Variants in CAMSAP1 observed in about 807,000 individuals in gnomAD.
The protein encoded by CAMSAP1 is calmodulin-regulated spectrin-associated protein 1.
CAMSAP1 carries 58 observed loss-of-function variants against 143.5 expected under a neutral mutation model. That is an observed-to-expected ratio of 0.40 (90% confidence interval 0.33 to 0.50). CAMSAP1 has a LOEUF of 0.50. Among genes scored for constraint, CAMSAP1 ranks in the 20% least tolerant of loss-of-function variants. The pLI, the probability that CAMSAP1 is intolerant of heterozygous loss-of-function variation, is 0.45. For missense variants in CAMSAP1, 1,969 were observed against 2,115.7 expected (o/e 0.93, Z 1.36); for synonymous variants, 945 against 859.3 (o/e 1.10, Z -1.74).
At chr9:135,881,923 A>G in intron 2 of CAMSAP1, 129 bp from the exon 3 acceptor site, 1 of 1,156,626 alleles carries the variant, frequency 8.6e-7, no homozygotes, top group Non-Finnish European at 1.2e-6. Flanking sequence ...GTCTGAAGAG[A>G]TACTCAGATT....
At position 135,838,589 on chromosome 9, in the gene CAMSAP1, C is replaced by A. The variant is rs377134225; in HGVS notation, c.1046-11005G>T. Reference sequence around the variant, plus strand: ...CCCCTTCTACAGACACACATCATCACGCACTTTCTACCCGTTCTACAGACA... The same window carrying A: ...CCCCTTCTACAGACACACATCATCAAGCACTTTCTACCCGTTCTACAGACA... On this transcript the variant is annotated intron_variant, in intron 7 of 16. Transcript: ENST00000389532. Among the ~76,000 whole-genome samples, 112 of 149,036 alleles carry A rather than the reference C, an allele frequency of 7.5e-4. No homozygotes were observed. In the South Asian group the frequency reaches 9.9e-3, roughly 13 times the overall value.
chr9:135,821,810 C>A lies in CAMSAP1; in HGVS notation c.2851G>T (p.Val951Phe). ...QHNGEDCGDA[V>F]SKTEDFLVKE... ...ACGAGAAAGTCTTCGGTTTTGGAAACAGCGTCCCCACAGTCCTCCCCGTTG... is the reference window on the plus strand; with the variant it reads ...ACGAGAAAGTCTTCGGTTTTGGAAAAAGCGTCCCCACAGTCCTCCCCGTTG... Residue 951 changes from valine to phenylalanine, a missense_variant, in exon 11 of 17, where the codon GTT (valine) becomes TTT (phenylalanine). Transcript: ENST00000389532. This position sits in a 1 kb window ranked among gnomAD's most constrained non-coding sequence, Gnocchi z 4.6. 1 of 1,614,034 alleles carries A rather than the reference C, an allele frequency of 6.2e-7. No homozygotes were observed. The highest frequency in any genetic ancestry group is 8.5e-7 in the Non-Finnish European group (1 of 1,179,898).
At chr9:135,902,593 C>G (rs1838650622) in intron 1 of CAMSAP1, among the ~76,000 whole-genome samples, 1 of 152,202 alleles carries the variant, frequency 6.6e-6, no homozygotes, top group Admixed American at 6.5e-5. Flanking sequence ...TTTTGCTCAT[C>G]ATGTCAAGTT....
intron 16 of CAMSAP1, 95 bp downstream of exon 16, chr9:135,815,002 A>G: frequency 1.1e-6 from 1 of 889,316 alleles, no homozygotes. Flanking sequence ...ACTCTCATGC[A>G]TCAAAGATTA....
chr9:135,851,396 CAAAAG>C (rs1836779496), intron 5 of CAMSAP1, among the ~76,000 whole-genome samples: 1 of 152,210 alleles, frequency 6.6e-6, no homozygotes, highest in African/African-American at 2.4e-5. Context: ...CATTCATTCT[CAAAAG>C]AAAACTTTAA....
intron 1 of CAMSAP1, among the ~76,000 whole-genome samples, chr9:135,901,108 GA>G (rs1323320605): frequency 6.6e-6 from 1 of 152,144 alleles, no homozygotes; most frequent in East Asian, 1.9e-4. Context: ...AAAATGCTAT[GA>G]AATAATGACT....
Position 135,850,399 on chromosome 9 carries a change from C to T in CAMSAP1, c.871G>A (p.Glu291Lys). The stretch of plus-strand genomic sequence containing the variant: ...TTATTAAGATATTCATTGGAGAATT[C>T]TCTCAGAAGCCGAATATTATACAGA... ...DSLYNIRLLR[E>K]FSNEYLNKCF... The change falls in exon 6 of 17, where the codon GAA becomes AAA. Residue 291 changes from glutamate (E) to lysine (K), a missense_variant. Transcript: ENST00000389532. The T allele has an allele frequency of 1.2e-6, 2 of 1,612,144 alleles. No homozygotes were observed. The highest frequency in any genetic ancestry group is 1.7e-6 in the Non-Finnish European group (2 of 1,179,342).
At position 135,817,961 on chromosome 9, in the gene CAMSAP1, G is replaced by A. The variant is rs143266662; in HGVS notation, c.4271+16C>T. 1.6e-5 allele frequency: 26 copies of A among 1,612,004 alleles called. No homozygotes were observed. Among genetic ancestry groups the A allele is most frequent in the East Asian group, 4.5e-5 (2 of 44,852 alleles). ...GTCCTCCAGCCCCGTGCCGGCGGCC[G>A]TCTCAGGCCCCTTACCGCTGAGAGG... is the stretch of plus-strand genomic sequence containing the variant. On this transcript the variant is annotated intron_variant, in intron 14 of 16. Transcript: ENST00000389532.
At chr9:135,858,100 T>C (rs774998862) in intron 5 of CAMSAP1, among the ~76,000 whole-genome samples, 1 of 151,530 alleles carries the variant, frequency 6.6e-6, no homozygotes, top group Admixed American at 6.6e-5. Flanking sequence ...CAGGGTCCTA[T>C]AGGATGAGCC....
Position 135,820,853 on chromosome 9 carries a change from C to T in CAMSAP1, c.3808G>A (p.Gly1270Ser), listed in dbSNP as rs373011739. The T allele has an allele frequency of 7.4e-6, 12 of 1,612,858 alleles. No homozygotes were observed. Among genetic ancestry groups the T allele is most frequent in the Non-Finnish European group, 9.3e-6 (11 of 1,179,824 alleles). Reference sequence around the variant, plus strand: ...CAATCCCTTACCTTGAAGAAGAAGCCGACCCCCGGCTTCTGGTCGCCTTCG... The same window carrying T: ...CAATCCCTTACCTTGAAGAAGAAGCTGACCCCCGGCTTCTGGTCGCCTTCG... ...VSEGDQKPGVGFFFKDEQKAE... is the reference protein window; with the variant it reads ...VSEGDQKPGVSFFFKDEQKAE... The change falls in exon 11 of 17, where the codon GGC becomes AGC. Residue 1270 changes from glycine to serine, a missense_variant. Physicochemically the swap from Gly to Ser is moderately conservative, Grantham distance 56 (BLOSUM62 0). This residue lies in a region of CAMSAP1 where 1,390 missense variants were observed against 1,420.8 expected (regional missense o/e 0.98). Transcript: ENST00000389532. This position sits in a 1 kb window ranked among gnomAD's most constrained non-coding sequence, Gnocchi z 4.4.
chr9:135,855,699 G>A (rs1042142248), intron 5 of CAMSAP1, among the ~76,000 whole-genome samples: 3 of 149,602 alleles, frequency 2.0e-5, no homozygotes, highest in East Asian at 2.0e-4. Flanking sequence ...AGCAGAGATC[G>A]GGCCACTGCA....
intron 3 of CAMSAP1, among the ~76,000 whole-genome samples, chr9:135,878,531 C>T (rs1274111635): frequency 6.6e-6 from 1 of 152,214 alleles, no homozygotes; most frequent in African/African-American, 2.4e-5. Context: ...GGAGAAAAAA[C>T]TCACCCTTAT....
intron 3 of CAMSAP1, among the ~76,000 whole-genome samples, chr9:135,879,349 T>C (rs758452975): frequency 2.0e-5 from 3 of 151,996 alleles, no homozygotes; most frequent in Non-Finnish European, 4.4e-5. Flanking sequence ...CACTTACAAA[T>C]GCACAGCAAA....
chr9:135,838,843 A>T (rs1472749067), intron 7 of CAMSAP1, among the ~76,000 whole-genome samples: 1 of 150,528 alleles, frequency 6.6e-6, no homozygotes, highest in Non-Finnish European at 1.5e-5. Flanking sequence ...GTCATCAAGC[A>T]GTTTCTACCC....
chr9:135,815,809 T>TA, intron 15 of CAMSAP1, 81 bp downstream of exon 15: 1 of 1,155,434 alleles, frequency 8.7e-7, no homozygotes, highest in Non-Finnish European at 1.3e-6. Flanking sequence ...TAGACCAAAA[T>TA]AGAGAACAGA....
At chr9:135,841,363 C>T (rs1179111781) in intron 7 of CAMSAP1, among the ~76,000 whole-genome samples, 2 of 152,224 alleles carry the variant, frequency 1.3e-5, no homozygotes, top group Non-Finnish European at 2.9e-5. Context: ...GGGGCTTATA[C>T]ATAAAACTCC....
intron 8 of CAMSAP1, among the ~76,000 whole-genome samples, 159 bp downstream of exon 8, chr9:135,827,248 G>A (rs1835705812): frequency 6.6e-6 from 1 of 152,200 alleles, no homozygotes; most frequent in South Asian, 2.1e-4. Flanking sequence ...TCTGGAAAGG[G>A]GACCGAATGG....
At chr9:135,837,308 TC>T (rs1564430742) in intron 7 of CAMSAP1, among the ~76,000 whole-genome samples, 1 of 151,406 alleles carries the variant, frequency 6.6e-6, no homozygotes, top group African/African-American at 2.4e-5. Context: ...CAGACACACA[TC>T]ATCACGCACT....
rs1835589788 is a variant in CAMSAP1, at chr9:135,824,154, T to G, written c.1316-120A>C. The G allele has an allele frequency of 1.2e-6, 1 of 824,658 alleles. No homozygotes were observed. The highest frequency in any genetic ancestry group is 2.0e-6 in the Non-Finnish European group (1 of 500,384). 51.1% of individuals were successfully genotyped at this position (824,658 alleles called of 1,614,324 possible). On this transcript the variant is annotated intron_variant, in intron 9 of 16. Coordinates refer to ENST00000389532, the MANE Select transcript of CAMSAP1 (RefSeq NM_015447.4). This position sits in a 1 kb window ranked among gnomAD's most constrained non-coding sequence, Gnocchi z 4.1. ...AAGTCAGTACACCAGAAGGGCCGCA[T>G]GGAAAGCAGAGAGGCAAAACCATAC...
Sources: gnomAD v4.1 joint callset for allele counts (sites outside exome capture counted in the v4.1 genomes callset) on GRCh38, gnomAD v4.1.1 for gene constraint, gnomAD v4.1.1 regional missense constraint, Gnocchi (gnomAD v3.1) non-coding constraint, MANE v1.5 for transcripts, NCBI Gene and HGNC (gene_info 2026-07-23, HGNC 2026-07-21) for gene names.